The following STX8 variants were observed in gnomAD, a reference collection of about 807,000 sequenced individuals.
STX8 encodes syntaxin-8.
Under a neutral mutation model 37.5 loss-of-function variants are expected in STX8, and 23 were observed. The observed-to-expected ratio is 0.61, with a 90% CI of 0.44 to 0.87. STX8 has a LOEUF of 0.87. Ranked by LOEUF, STX8 falls within the 40% of genes least tolerant of loss-of-function variation. The pLI, the probability that STX8 is intolerant of heterozygous loss-of-function variation, is 0.00. For synonymous variants in STX8, 115 were observed against 99.1 expected, an observed-to-expected ratio of 1.16 and a Z score of -0.95; for missense variants, 313 against 284.7, an observed-to-expected ratio of 1.10 and a Z score of -0.71.
chr17:9,268,264 G>A (rs1232895005), intron 7 of STX8, among the ~76,000 whole-genome samples: 2 of 149,876 alleles, frequency 1.3e-5, no homozygotes, highest in African/African-American at 2.5e-5. Flanking sequence ...TGGGCACCAT[G>A]AAGATTGGTG....
chr17:9,393,946 A>G (rs1378725881), intron 6 of STX8, among the ~76,000 whole-genome samples: 3 of 152,242 alleles, frequency 2.0e-5, no homozygotes, highest in African/African-American at 7.2e-5. Flanking sequence ...AAAAATTCAC[A>G]GAACAACAAA....
At chr17:9,296,948 T>C (rs1018714692) in intron 7 of STX8, among the ~76,000 whole-genome samples, 1 of 152,160 alleles carries the variant, frequency 6.6e-6, no homozygotes, top group African/African-American at 2.4e-5. Context: ...TCAAGTATAA[T>C]ACATATACAG....
intron 4 of STX8, among the ~76,000 whole-genome samples, chr17:9,516,149 G>C (rs1005844928): frequency 7.9e-5 from 12 of 151,560 alleles, no homozygotes; most frequent in African/African-American, 2.9e-4. Flanking sequence ...CCCCTGAGGT[G>C]TTATTGCTCC....
At chr17:9,329,416 C>T (rs1909890097) in intron 7 of STX8, among the ~76,000 whole-genome samples, 2 of 152,228 alleles carry the variant, frequency 1.3e-5, no homozygotes, top group Non-Finnish European at 2.9e-5. Context: ...ATCACTCGCT[C>T]TCTGGCATCA....
At chr17:9,386,291 A>C (rs2142295771) in intron 6 of STX8, among the ~76,000 whole-genome samples, 1 of 152,284 alleles carries the variant, frequency 6.6e-6, no homozygotes, top group African/African-American at 2.4e-5. Context: ...CAACTGTCTA[A>C]ATCTCAAAAA....
chr17:9,275,117 A>G (rs369966533), intron 7 of STX8, among the ~76,000 whole-genome samples: 1 of 152,282 alleles, frequency 6.6e-6, no homozygotes, highest in East Asian at 1.9e-4. Context: ...TGACTGTTCA[A>G]GTTAAGGGTC....
intron 1 of STX8, among the ~76,000 whole-genome samples, chr17:9,573,798 A>G (rs1907785270): frequency 6.6e-6 from 1 of 152,150 alleles, no homozygotes; most frequent in South Asian, 2.1e-4. Flanking sequence ...AAAAGTATAA[A>G]TGCTTCACTT....
At chr17:9,255,307 AT>A (rs56157326) in intron 7 of STX8, among the ~76,000 whole-genome samples, 75,889 of 151,432 alleles carry the variant, frequency 0.5, 19,684 homozygotes, top group Non-Finnish European at 0.59. Context: ...CGGGCGGATC[AT>A]CTGAGGTCAG....
At chr17:9,418,844 G>T (rs1294349096) in intron 6 of STX8, among the ~76,000 whole-genome samples, 4 of 146,876 alleles carry the variant, frequency 2.7e-5, no homozygotes, top group East Asian at 2.0e-4. Context: ...AAAAAAGGGG[G>T]GGGGGAAGGG....
At chr17:9,413,898 C>A (rs1262859157) in intron 6 of STX8, among the ~76,000 whole-genome samples, 1 of 152,204 alleles carries the variant, frequency 6.6e-6, no homozygotes, top group African/African-American at 2.4e-5. Flanking sequence ...ATCGATCCAT[C>A]CATCCATCCG....
At chr17:9,526,030 T>A (rs1456059555) in intron 4 of STX8, among the ~76,000 whole-genome samples, 1 of 152,180 alleles carries the variant, frequency 6.6e-6, no homozygotes. Context: ...TATGCCACAC[T>A]TGAACACCTG....
chr17:9,279,054 G>GT (rs201339409), intron 7 of STX8, among the ~76,000 whole-genome samples: 1,949 of 105,708 alleles, frequency 0.018, 36 homozygotes, highest in African/African-American at 0.063. Flanking sequence ...CTGTGTGTGT[G>GT]TTTTTTGTTT....
intron 7 of STX8, among the ~76,000 whole-genome samples, chr17:9,256,716 G>A (rs1906810793): frequency 6.6e-6 from 1 of 152,208 alleles, no homozygotes; most frequent in South Asian, 2.1e-4. Flanking sequence ...GCAGGGAAGA[G>A]CTGGCAACTC....
intron 7 of STX8, among the ~76,000 whole-genome samples, chr17:9,276,256 G>A (rs1258894152): frequency 6.6e-6 from 1 of 152,174 alleles, no homozygotes; most frequent in Non-Finnish European, 1.5e-5. Context: ...AGGAAATAAG[G>A]AGTGATGCAG....
At chr17:9,399,592 G>T (rs947319097) in intron 6 of STX8, among the ~76,000 whole-genome samples, 6 of 152,154 alleles carry the variant, frequency 3.9e-5, no homozygotes, top group Non-Finnish European at 7.3e-5. Context: ...CCGGCCGGGT[G>T]CGGTGGCTCA....
At chr17:9,544,767 C>A (rs1195265370) in intron 4 of STX8, among the ~76,000 whole-genome samples, 1 of 152,154 alleles carries the variant, frequency 6.6e-6, no homozygotes, top group Non-Finnish European at 1.5e-5. Flanking sequence ...CCAAGGCGGG[C>A]GGATCACGAG....
At chr17:9,522,228 A>T (rs1392247204) in intron 4 of STX8, among the ~76,000 whole-genome samples, 1 of 152,192 alleles carries the variant, frequency 6.6e-6, no homozygotes, top group Non-Finnish European at 1.5e-5. Flanking sequence ...TCCAAGTAAA[A>T]GATGAATGAG....
intron 7 of STX8, among the ~76,000 whole-genome samples, chr17:9,255,951 G>A (rs1906780870): frequency 6.6e-6 from 1 of 152,212 alleles, no homozygotes; most frequent in African/African-American, 2.4e-5. Flanking sequence ...GCACCTTTCT[G>A]AATGGAGTTT....
At position 9,507,946 on chromosome 17, in the gene STX8, C is replaced by T. The variant is rs184595443; in HGVS notation, c.324-2784G>A. On this transcript the variant is annotated intron_variant, in intron 4 of 7. Coordinates refer to ENST00000306357, the MANE Select transcript of STX8 (RefSeq NM_004853.3). The surrounding 1 kb of genome is among the most constrained non-coding windows in gnomAD (Gnocchi z 4.0). ...AATATTTCTTTCCCTGCAAAACCTACCACATAAAATTGGAAGAGGCAATTA... is the reference window on the plus strand; with the variant it reads ...AATATTTCTTTCCCTGCAAAACCTATCACATAAAATTGGAAGAGGCAATTA... 5.6e-3 allele frequency among the ~76,000 whole-genome samples: 847 copies of T among 152,272 alleles called. 5 individuals are homozygous for T. Among genetic ancestry groups the T allele is most frequent in the Non-Finnish European group, 9.1e-3 (616 of 68,022 alleles).
Sources: allele counts gnomAD v4.1 joint callset (sites outside exome capture counted in the v4.1 genomes callset), GRCh38; gene constraint gnomAD v4.1.1; non-coding constraint Gnocchi (gnomAD v3.1); transcripts MANE v1.5; gene names NCBI Gene and HGNC (gene_info 2026-07-23, HGNC 2026-07-21).